The following COL17A1 variants were observed in gnomAD, a reference collection of about 807,000 sequenced individuals.
The protein encoded by COL17A1 is collagen alpha-1(XVII) chain.
COL17A1 carries 181 observed loss-of-function variants against 218.4 expected under a neutral mutation model. The ratio of observed to expected loss-of-function variants is 0.83; its 90% CI spans 0.73 to 0.94. COL17A1 has a LOEUF of 0.94. Among genes scored for constraint, COL17A1 ranks in the 40% least tolerant of loss-of-function variants. The probability of loss-of-function intolerance (pLI) is 0.00; values close to 1 mark genes in which losing one functional copy is unlikely to be tolerated. For synonymous variants in COL17A1, 721 were observed against 731.0 expected, an observed-to-expected ratio of 0.99 and a Z score of 0.22; for missense variants, 1,924 against 1,945.9, an observed-to-expected ratio of 0.99 and a Z score of 0.21.
chr10:104,043,673 TTTC>T lies in COL17A1; in HGVS notation c.2435-95_2435-93del, dbSNP rs1280156061. On this transcript the variant is annotated intron_variant, in intron 34 of 55. Transcript: ENST00000648076. ...CCAGGTTGTGGTGGGCAGCCTGGCA[TTTC>T]TTCTTCTCATCGCTGCTAAATTTCC... The T allele has an allele frequency of 2.0e-5, 31 of 1,522,088 alleles. No homozygotes were observed. In the South Asian group the frequency reaches 2.3e-4, roughly 11 times the overall value. 94.3% of individuals were successfully genotyped at this position (1,522,088 alleles called of 1,614,324 possible). A position where few individuals can be genotyped will look rare whatever the true frequency, so the allele number is the denominator to read the frequency against.
chr10:104,036,419 G>A, intron 48 of COL17A1, 73 bp downstream of exon 48: 2 of 1,600,340 alleles, frequency 1.2e-6, no homozygotes, highest in Non-Finnish European at 1.7e-6. Context: ...GCAATCACAG[G>A]GAAGTTCACG....
At position 104,037,677 on chromosome 10, in the gene COL17A1, T is replaced by C; in HGVS notation, c.3167A>G (p.Asp1056Gly). 6.2e-7 allele frequency: 1 copy of C among 1,614,104 alleles called. No homozygotes were observed. Among genetic ancestry groups the C allele is most frequent in the Non-Finnish European group, 8.5e-7 (1 of 1,180,020 alleles). The change falls in exon 46 of 56, where the codon GAC (aspartate) becomes GGC (glycine). Residue 1056 changes from aspartate (D) to glycine (G), a missense_variant. By Grantham distance (94) the Asp-to-Gly change is moderately conservative (BLOSUM62 -1). Transcript: ENST00000648076. Reference sequence around the variant, plus strand: ...AACGTGGCTTGCCAGCTCTGAGTAGTCGAAAGTCTCGCCTGTGATGGTGGT... The same window carrying C: ...AACGTGGCTTGCCAGCTCTGAGTAGCCGAAAGTCTCGCCTGTGATGGTGGT... Reference protein sequence around the residue: ...PVTTITGETFDYSELASHVVS... With the variant: ...PVTTITGETFGYSELASHVVS...
At chr10:104,076,530 G>T (rs1302482066) in intron 4 of COL17A1, 101 bp from the exon 5 acceptor site, 1 of 1,537,890 alleles carries the variant, frequency 6.5e-7, no homozygotes. Context: ...CTCAGGGAGG[G>T]TCTTCGGGAG....
At chr10:104,051,321 A>G (rs148394654) in intron 25 of COL17A1, among the ~76,000 whole-genome samples, 160 bp downstream of exon 25, 3 of 152,328 alleles carry the variant, frequency 2.0e-5, no homozygotes, top group East Asian at 1.9e-4. Flanking sequence ...AGGGAGCCCA[A>G]CCTCTGCCAC....
chr10:104,049,597 A>G, intron 28 of COL17A1, 126 bp from the exon 29 acceptor site: 1 of 948,614 alleles, frequency 1.1e-6, no homozygotes, highest in South Asian at 1.4e-5. Context: ...GGTCAGGGCC[A>G]CTTGGAACCC....
At chr10:104,047,857 T>G (rs1380851175) in intron 30 of COL17A1, 47 bp from the exon 31 acceptor site, 1 of 1,531,760 alleles carries the variant, frequency 6.5e-7, no homozygotes, top group South Asian at 1.1e-5. Flanking sequence ...TTAGGAAAGC[T>G]AAACTGGTTA....
chr10:104,062,616 C>T (rs866514528), intron 11 of COL17A1, among the ~76,000 whole-genome samples: 3 of 152,238 alleles, frequency 2.0e-5, no homozygotes, highest in Middle Eastern at 3.4e-3. Flanking sequence ...TGACAGATCT[C>T]TCAAAATTTT....
chr10:104,041,649 C>T, intron 36 of COL17A1, 111 bp from the exon 37 acceptor site: 3 of 867,354 alleles, frequency 3.5e-6, no homozygotes, highest in East Asian at 2.6e-5. Context: ...GCTACCCTCA[C>T]AGCCCAGACA....
intron 29 of COL17A1, among the ~76,000 whole-genome samples, chr10:104,048,538 A>G (rs2086436307): frequency 6.6e-6 from 1 of 152,158 alleles, no homozygotes; most frequent in South Asian, 2.1e-4. Context: ...GGAATTTTCC[A>G]GACTGGTCAT....
intron 13 of COL17A1, 118 bp from the exon 14 acceptor site, chr10:104,060,398 T>A: frequency 7.1e-7 from 1 of 1,405,708 alleles, no homozygotes; most frequent in Admixed American, 2.0e-5. Flanking sequence ...AATTAGCAGG[T>A]GTGTATGAGG....
At chr10:104,036,098 GTA>G (rs2134571553) in intron 48 of COL17A1, among the ~76,000 whole-genome samples, 1 of 122,632 alleles carries the variant, frequency 8.2e-6, no homozygotes, top group Non-Finnish European at 1.7e-5. Context: ...GAGTGTGTGT[GTA>G]TGGGAGTGTG....
chr10:104,059,876 G>A (rs1012880188), intron 14 of COL17A1, among the ~76,000 whole-genome samples, 158 bp from the exon 15 acceptor site: 6 of 152,152 alleles, frequency 3.9e-5, no homozygotes, highest in African/African-American at 1.4e-4. Flanking sequence ...CCCCTGATCT[G>A]TGTTTGCGGT....
intron 48 of COL17A1, among the ~76,000 whole-genome samples, chr10:104,036,084 ATGGGAGTGTGTGT>A (rs2086289677): frequency 1.3e-4 from 4 of 30,726 alleles, no homozygotes; most frequent in Non-Finnish European, 1.8e-4. Context: ...GGGAGTGTGT[ATGGGAGTGTGTGT>A]GTATGGGAGT....
Position 104,055,844 on chromosome 10 carries a change from C to A in COL17A1, c.1625G>T (p.Ser542Ile), listed in dbSNP as rs1007487535. ...GADLDKIGLH[S>I]DSQEELWMFV... ...CATCCAGAGCTCCTCCTGGCTGTCA[C>A]TGTGCAGCCCAATTTTGTCCAGGTC... Residue 542 changes from serine to isoleucine, a missense_variant, in exon 18 of 56, where the codon AGT becomes ATT. Ser to Ile is a moderately radical substitution (Grantham distance 142). Transcript: ENST00000648076. 1.4e-5 allele frequency: 23 copies of A among 1,614,242 alleles called. No homozygotes were observed. Among genetic ancestry groups the A allele is most frequent in the Non-Finnish European group, 1.8e-5 (21 of 1,180,034 alleles).
intron 48 of COL17A1, 52 bp from the exon 49 acceptor site, chr10:104,035,615 T>C (rs1232841137): frequency 4.9e-6 from 7 of 1,421,418 alleles, no homozygotes; most frequent in East Asian, 4.7e-5. Context: ...TGGAAACACC[T>C]GTCAGAGAGG....
At chr10:104,048,531 A>G (rs1400493132) in intron 29 of COL17A1, among the ~76,000 whole-genome samples, 1 of 152,038 alleles carries the variant, frequency 6.6e-6, no homozygotes, top group Non-Finnish European at 1.5e-5. Flanking sequence ...CCTGCATGGA[A>G]TTTTCCAGAC....
At chr10:104,079,082 C>A (rs7912052) in intron 2 of COL17A1, among the ~76,000 whole-genome samples, 133,119 of 152,158 alleles carry the variant, frequency 0.87, 60,255 homozygotes, top group Non-Finnish European at 0.99. Context: ...TTCAGGGCAA[C>A]CCCTGAATGT....
chr10:104,050,210 G>A, intron 27 of COL17A1, 86 bp from the exon 28 acceptor site: 1 of 1,588,054 alleles, frequency 6.3e-7, no homozygotes, highest in South Asian at 1.1e-5. Flanking sequence ...CCCGGCTGCA[G>A]GGTAGTTCTC....
intron 1 of COL17A1, among the ~76,000 whole-genome samples, chr10:104,083,015 C>A (rs1396545412): frequency 1.3e-5 from 2 of 151,486 alleles, no homozygotes; most frequent in African/African-American, 4.9e-5. Flanking sequence ...TCTGAAGCCA[C>A]CCCAATGTCT....
Sources: allele counts gnomAD v4.1 joint callset (sites outside exome capture counted in the v4.1 genomes callset), GRCh38; gene constraint gnomAD v4.1.1; transcripts MANE v1.5; gene names NCBI Gene and HGNC (gene_info 2026-07-23, HGNC 2026-07-21).